Variants in EPDR1 observed in about 807,000 individuals in gnomAD.
EPDR1 encodes the protein mammalian ependymin-related protein 1.
A neutral mutation model predicts 23.7 loss-of-function variants in EPDR1; 27 were observed. The observed-to-expected ratio is 1.14, with a 90% CI of 0.84 to 1.57. EPDR1 has a LOEUF of 1.57. Among genes scored for constraint, EPDR1 ranks in the 40% most tolerant of loss-of-function variants. EPDR1 has a pLI of 0.00. For missense variants in EPDR1, 349 were observed against 290.4 expected, an observed-to-expected ratio of 1.20 and a Z score of -1.47; for synonymous variants, 137 against 118.2, an observed-to-expected ratio of 1.16 and a Z score of -1.03.
chr7:37,921,218 AT>A lies in EPDR1; in HGVS notation c.269+11del, dbSNP rs1562854950. On this transcript the variant is annotated intron_variant, in intron 1 of 2. Coordinates refer to ENST00000199448, the MANE Select transcript of EPDR1 (RefSeq NM_017549.5). ...TGATCCCCTGCAAGAGGTACAGGTC[AT>A]CGGCCCGCGGGGCGGGAGTAGGGAG... The A allele has an allele frequency of 6.3e-7, 1 of 1,576,670 alleles. No homozygotes were observed. The highest frequency in any genetic ancestry group is 8.5e-7 in the Non-Finnish European group (1 of 1,171,492).
intron 1 of EPDR1, 138 bp downstream of exon 1, chr7:37,921,346 G>A (rs561092383): frequency 1.4e-6 from 2 of 1,422,364 alleles, no homozygotes; most frequent in Admixed American, 3.1e-5. Context: ...CTTTCGCGAG[G>A]AGGGTCTCTT....
chr7:37,943,864 G>A (rs186311001), intron 1 of EPDR1, among the ~76,000 whole-genome samples: 137 of 152,266 alleles, frequency 9.0e-4, no homozygotes, highest in Non-Finnish European at 1.5e-3. Flanking sequence ...TGGGCAGAGC[G>A]GGCCTCAGGG....
chr7:37,934,480 A>C (rs1786010876), intron 1 of EPDR1, among the ~76,000 whole-genome samples: 3 of 151,906 alleles, frequency 2.0e-5, no homozygotes, highest in African/African-American at 7.3e-5. Context: ...AAAAGGAGGA[A>C]TCTCCAGAGG....
chr7:37,949,093 G>T (rs1319130916), intron 2 of EPDR1, 45 bp downstream of exon 2: 2 of 1,569,368 alleles, frequency 1.3e-6, no homozygotes, highest in Non-Finnish European at 1.7e-6. Flanking sequence ...CATGCATGAT[G>T]GGGAAAAAGG....
chr7:37,948,519 A>AT (rs1355547344), intron 1 of EPDR1, among the ~76,000 whole-genome samples: 7 of 151,196 alleles, frequency 4.6e-5, no homozygotes, highest in Non-Finnish European at 7.4e-5. Context: ...AATTTTTAAA[A>AT]TTTTTTTTCT....
intron 1 of EPDR1, among the ~76,000 whole-genome samples, chr7:37,943,824 C>T (rs1014120478): frequency 2.6e-5 from 4 of 152,168 alleles, no homozygotes; most frequent in African/African-American, 9.7e-5. Context: ...CTAAAATTCT[C>T]ATTTTAAAAT....
intron 1 of EPDR1, among the ~76,000 whole-genome samples, chr7:37,934,037 C>T (rs1430996728): frequency 6.8e-6 from 1 of 147,582 alleles, no homozygotes; most frequent in Non-Finnish European, 1.5e-5. Flanking sequence ...AGTGCAGTGG[C>T]GTGATCTCAG....
intron 1 of EPDR1, among the ~76,000 whole-genome samples, chr7:37,935,219 A>G (rs1786024806): frequency 6.6e-6 from 1 of 152,160 alleles, no homozygotes; most frequent in Non-Finnish European, 1.5e-5. Context: ...ATATTGAGAG[A>G]CAGACAAGGG....
At chr7:37,934,357 C>T (rs531447864) in intron 1 of EPDR1, among the ~76,000 whole-genome samples, 1 of 152,246 alleles carries the variant, frequency 6.6e-6, no homozygotes, top group South Asian at 2.1e-4. Context: ...AGATGGCTGC[C>T]TCTGCTCCTA....
intron 2 of EPDR1, 62 bp downstream of exon 2, chr7:37,949,110 T>A: frequency 6.6e-7 from 1 of 1,519,398 alleles, no homozygotes; most frequent in Non-Finnish European, 9.1e-7. Context: ...AAGGTTTAAG[T>A]CCTTTAAGGA....
At chr7:37,931,241 C>T (rs1423341215) in intron 1 of EPDR1, among the ~76,000 whole-genome samples, 2 of 152,042 alleles carry the variant, frequency 1.3e-5, no homozygotes, top group Non-Finnish European at 1.5e-5. Flanking sequence ...AGGCCAGGTG[C>T]GGTGGCTCAC....
At chr7:37,932,046 T>C (rs544483179) in intron 1 of EPDR1, among the ~76,000 whole-genome samples, 1 of 152,174 alleles carries the variant, frequency 6.6e-6, no homozygotes, top group African/African-American at 2.4e-5. Context: ...TTTGATACTC[T>C]GCTTTTTTGT....
chr7:37,943,134 G>A (rs535470209), intron 1 of EPDR1, among the ~76,000 whole-genome samples: 49 of 152,318 alleles, frequency 3.2e-4, no homozygotes, highest in African/African-American at 1.1e-3. Context: ...GCTTTGCTTG[G>A]TGCCTGGCCA....
intron 1 of EPDR1, among the ~76,000 whole-genome samples, chr7:37,929,824 C>T (rs1209809305): frequency 6.6e-6 from 1 of 152,236 alleles, no homozygotes; most frequent in African/African-American, 2.4e-5. Context: ...CACTCCCCCA[C>T]TGCCCTCTCA....
intron 1 of EPDR1, among the ~76,000 whole-genome samples, chr7:37,941,500 C>T (rs1404828002): frequency 7.9e-5 from 12 of 152,134 alleles, no homozygotes; most frequent in Admixed American, 7.9e-4. Context: ...ATGTTATTTA[C>T]AAACATCTTG....
chr7:37,925,140 G>T (rs2131999415), intron 1 of EPDR1, among the ~76,000 whole-genome samples: 1 of 152,298 alleles, frequency 6.6e-6, no homozygotes, highest in East Asian at 1.9e-4. Flanking sequence ...CTGACTCCTT[G>T]ATTAAATTCA....
In EPDR1 at chr7:37,921,331, G is replaced by A. The variant is rs910023602; in HGVS notation, c.269+123G>A. 9.8e-6 allele frequency: 14 copies of A among 1,426,406 alleles called. No individual in the cohort carries two copies. In the African/African-American group the frequency reaches 1.7e-4, roughly 17 times the overall value. The allele number at this position is 1,426,406 out of a possible 1,614,324, so 88.4% of individuals were successfully genotyped here. A position where few individuals can be genotyped will look rare whatever the true frequency, so the allele number is the denominator to read the frequency against. On this transcript the variant is annotated intron_variant, in intron 1 of 2. Transcript: ENST00000199448. ...CTTGCAGCTCCTCCCTTCTCCCAGAGAGATCTTTCGCGAGGAGGGTCTCTT... is the reference window on the plus strand; with the variant it reads ...CTTGCAGCTCCTCCCTTCTCCCAGAAAGATCTTTCGCGAGGAGGGTCTCTT...
At chr7:37,927,704 A>G (rs1785847018) in intron 1 of EPDR1, among the ~76,000 whole-genome samples, 1 of 152,236 alleles carries the variant, frequency 6.6e-6, no homozygotes, top group Non-Finnish European at 1.5e-5. Context: ...AAAGTGCTCA[A>G]TAAATCTATT....
chr7:37,928,960 G>T (rs574815406), intron 1 of EPDR1, among the ~76,000 whole-genome samples: 1 of 152,198 alleles, frequency 6.6e-6, no homozygotes, highest in South Asian at 2.1e-4. Context: ...AACCCCAGGG[G>T]TTCTCTTGAA....
Sources: gnomAD v4.1 joint callset for allele counts (sites outside exome capture counted in the v4.1 genomes callset) on GRCh38, gnomAD v4.1.1 for gene constraint, MANE v1.5 for transcripts, NCBI Gene and HGNC (gene_info 2026-07-23, HGNC 2026-07-21) for gene names.